The following HPCAL1 variants were observed in gnomAD, a reference collection of about 807,000 sequenced individuals.
The protein encoded by HPCAL1 is hippocalcin like 1.
Under a neutral mutation model 17.1 loss-of-function variants are expected in HPCAL1, and 8 were observed. That is an observed-to-expected ratio of 0.47 (90% CI 0.27 to 0.84). HPCAL1 has a LOEUF of 0.84. Among genes scored for constraint, HPCAL1 ranks in the 40% least tolerant of loss-of-function variants. The probability of loss-of-function intolerance (pLI) is 0.13; values close to 1 mark genes in which losing one functional copy is unlikely to be tolerated. For synonymous variants in HPCAL1, 112 were observed against 111.4 expected, an observed-to-expected ratio of 1.01 and a Z score of -0.03; for missense variants, 165 against 271.1, an observed-to-expected ratio of 0.61 and a Z score of 2.75.
intron 1 of HPCAL1, among the ~76,000 whole-genome samples, chr2:10,382,801 G>T (rs1025043668): frequency 6.6e-6 from 1 of 152,134 alleles, no homozygotes; most frequent in African/African-American, 2.4e-5. Flanking sequence ...CTGAGTGTGG[G>T]AGTGTGCTCT....
rs1377758046 is a variant in HPCAL1 at position 10,384,833 on chromosome 2, G to T, written c.-110-12002G>T. 6.6e-6 allele frequency among the ~76,000 whole-genome samples: 1 copy of T among 152,136 alleles called. No individual in the cohort carries two copies. Among genetic ancestry groups the T allele is most frequent in the East Asian group, 1.9e-4 (1 of 5,180 alleles). ...TCAAAGATGTGAAAATAAAGATAGA[G>T]GCGACAGGCTGGGTGCGGTGGCTCA... On this transcript the variant is annotated intron_variant, in intron 1 of 4. Transcript: ENST00000307845. The surrounding 1 kb of genome is among the most constrained non-coding windows in gnomAD (Gnocchi z 4.4).
intron 1 of HPCAL1, among the ~76,000 whole-genome samples, chr2:10,339,959 G>A (rs1305214444): frequency 6.6e-6 from 1 of 152,226 alleles, no homozygotes; most frequent in Non-Finnish European, 1.5e-5. Context: ...TGAGGGGTAT[G>A]GGGAGGGGAT....
At chr2:10,418,469 AAAC>A (rs796823688) in intron 2 of HPCAL1, among the ~76,000 whole-genome samples, 2,605 of 138,172 alleles carry the variant, frequency 0.019, 69 homozygotes, top group South Asian at 0.027. Flanking sequence ...AAAAAAAAAA[AAAC>A]AACCCTGGGA....
chr2:10,359,858 T>C lies in HPCAL1; in HGVS notation c.-110-36977T>C, dbSNP rs1666412529. On this transcript the variant is annotated intron_variant, in intron 1 of 4. Transcript: ENST00000307845. This position sits in a 1 kb window ranked among gnomAD's most constrained non-coding sequence, Gnocchi z 4.1. ...AGAGCAGGCTGCATCTCCCCTCAGC[T>C]TCCACACTCTGAACCTGCCTCCTGC... Among the ~76,000 whole-genome samples, 1 of 151,806 alleles carries C rather than the reference T, an allele frequency of 6.6e-6. No individual in the cohort carries two copies. Among genetic ancestry groups the C allele is most frequent in the Non-Finnish European group, 1.5e-5 (1 of 68,002 alleles).
chr2:10,308,199 GC>G (rs1488977865), intron 1 of HPCAL1, among the ~76,000 whole-genome samples: 2 of 152,138 alleles, frequency 1.3e-5, no homozygotes, highest in Non-Finnish European at 2.9e-5. Flanking sequence ...ATTGTTCGAT[GC>G]CTTTCTTCTG....
intron 2 of HPCAL1, among the ~76,000 whole-genome samples, chr2:10,416,985 T>C (rs1204752005): frequency 2.0e-5 from 3 of 152,176 alleles, no homozygotes; most frequent in Non-Finnish European, 4.4e-5. Flanking sequence ...CAAACTGCAG[T>C]TGGAGAGGCT....
At chr2:10,333,097 G>C (rs892644152) in intron 1 of HPCAL1, among the ~76,000 whole-genome samples, 1 of 151,966 alleles carries the variant, frequency 6.6e-6, no homozygotes, top group Non-Finnish European at 1.5e-5. Context: ...GCCACCAGGG[G>C]CCTGACCTGC....
chr2:10,373,009 C>T (rs1294768137), intron 1 of HPCAL1, among the ~76,000 whole-genome samples: 12 of 152,244 alleles, frequency 7.9e-5, no homozygotes, highest in East Asian at 1.9e-4. Flanking sequence ...CACACACAGG[C>T]GCTGCCTGAC....
intron 2 of HPCAL1, among the ~76,000 whole-genome samples, chr2:10,402,437 C>T (rs1572828830): frequency 6.6e-6 from 1 of 152,308 alleles, no homozygotes; most frequent in African/African-American, 2.4e-5. Context: ...GATTTAAAGA[C>T]TAAAGATGGC....
intron 1 of HPCAL1, among the ~76,000 whole-genome samples, chr2:10,371,117 A>C (rs1314654410): frequency 6.6e-6 from 1 of 152,192 alleles, no homozygotes; most frequent in African/African-American, 2.4e-5. Flanking sequence ...GGCCTGGAGC[A>C]GCAGGGGTGG....
chr2:10,303,427 G>A (rs999420113), intron 1 of HPCAL1, among the ~76,000 whole-genome samples: 1 of 152,194 alleles, frequency 6.6e-6, no homozygotes, highest in South Asian at 2.1e-4. Context: ...ATTTTGGACT[G>A]CGTTTGTGGA....
At chr2:10,404,844 G>GTT (rs1669873987) in intron 2 of HPCAL1, among the ~76,000 whole-genome samples, 1 of 152,174 alleles carries the variant, frequency 6.6e-6, no homozygotes, top group South Asian at 2.1e-4. Flanking sequence ...TCAGGACCAG[G>GTT]TTTTAATGCC....
intron 1 of HPCAL1, among the ~76,000 whole-genome samples, chr2:10,366,304 C>T (rs564273779): frequency 2.0e-5 from 3 of 152,248 alleles, no homozygotes; most frequent in South Asian, 2.1e-4. Context: ...GGTGCGATCT[C>T]GTCTCACTGC....
rs1408787001 is a variant in HPCAL1, at chr2:10,330,455, G to T, written c.-111+27278G>T. Among the ~76,000 whole-genome samples the T allele has an allele frequency of 1.3e-5, 2 of 151,600 alleles. No homozygotes were observed. The highest frequency in any genetic ancestry group is 4.9e-5 in the African/African-American group (2 of 41,194). On this transcript the variant is annotated intron_variant, in intron 1 of 4. Transcript: ENST00000307845. This position sits in a 1 kb window ranked among gnomAD's most constrained non-coding sequence, Gnocchi z 4.2. Reference sequence around the variant, plus strand: ...GCTGCTGGAAACGGGGTCATAGTCTGGGTGCCTTAAACAACAGGAATTCTT... The same window carrying T: ...GCTGCTGGAAACGGGGTCATAGTCTTGGTGCCTTAAACAACAGGAATTCTT...
At chr2:10,321,611 C>T (rs1318016432) in intron 1 of HPCAL1, among the ~76,000 whole-genome samples, 2 of 152,190 alleles carry the variant, frequency 1.3e-5, no homozygotes, top group East Asian at 3.8e-4. Context: ...TAGCCATTAG[C>T]AGTCACTCCT....
chr2:10,349,295 C>A (rs949019894), intron 1 of HPCAL1, among the ~76,000 whole-genome samples: 1 of 152,100 alleles, frequency 6.6e-6, no homozygotes, highest in Non-Finnish European at 1.5e-5. Context: ...TATTTTGTCA[C>A]CCCTGCCCAG....
At chr2:10,406,214 C>G (rs898819451) in intron 2 of HPCAL1, 1 of 152,202 alleles carries the variant, frequency 6.6e-6, no homozygotes, top group African/African-American at 2.4e-5. Flanking sequence ...GCCACAGGAC[C>G]CAGTGCTCGC....
intron 1 of HPCAL1, among the ~76,000 whole-genome samples, chr2:10,334,909 C>T (rs548466330): frequency 6.6e-5 from 10 of 152,296 alleles, no homozygotes; most frequent in South Asian, 4.1e-4. Flanking sequence ...AACTCCTGAG[C>T]GCAAGTGAGC....
At chr2:10,314,758 A>G (rs537223581) in intron 1 of HPCAL1, among the ~76,000 whole-genome samples, 1 of 152,346 alleles carries the variant, frequency 6.6e-6, no homozygotes, top group African/African-American at 2.4e-5. Flanking sequence ...GAGATAAGTA[A>G]TTGTATTATT....
Sources: allele counts gnomAD v4.1 joint callset (sites outside exome capture counted in the v4.1 genomes callset), GRCh38; gene constraint gnomAD v4.1.1; non-coding constraint Gnocchi (gnomAD v3.1); transcripts MANE v1.5; gene names NCBI Gene and HGNC (gene_info 2026-07-23, HGNC 2026-07-21).